FAM133B: variants seen among roughly 807,000 people sequenced by gnomAD.
The protein encoded by FAM133B is protein FAM133B.
A neutral mutation model predicts 46.4 loss-of-function variants in FAM133B; 25 were observed. The ratio of observed to expected loss-of-function variants is 0.54; its 90% CI spans 0.39 to 0.75. FAM133B has a LOEUF of 0.75. Ranked by LOEUF, FAM133B falls within the 30% of genes least tolerant of loss-of-function variation. FAM133B has a pLI of 0.00. For synonymous variants in FAM133B, 75 were observed against 86.0 expected, an observed-to-expected ratio of 0.87 and a Z score of 0.71; for missense variants, 205 against 277.6, an observed-to-expected ratio of 0.74 and a Z score of 1.86.
rs1437496130 is a variant in FAM133B at position 92,560,897 on chromosome 7, T to C, written c.*1385A>G. ...CCTTTGTAACAGGCAAAATTGTACATCAAGTTGTATGTCATGTTACCTGAT... is the reference window on the plus strand; with the variant it reads ...CCTTTGTAACAGGCAAAATTGTACACCAAGTTGTATGTCATGTTACCTGAT... On this transcript the variant is annotated 3_prime_UTR_variant, in exon 11 of 11. Coordinates refer to ENST00000445716, the MANE Select transcript of FAM133B (RefSeq NM_152789.4). 2 of 152,564 alleles carry C rather than the reference T, an allele frequency of 1.3e-5. No homozygotes were observed. Among genetic ancestry groups the C allele is most frequent in the African/African-American group, 4.8e-5 (2 of 41,442 alleles). 9.5% of individuals were successfully genotyped at this position (152,564 alleles called of 1,614,324 possible). A position where few individuals can be genotyped will look rare whatever the true frequency, so the allele number is the denominator to read the frequency against.
intron 3 of FAM133B, 102 bp from the exon 4 acceptor site, chr7:92,578,495 C>G: frequency 1.0e-6 from 1 of 989,758 alleles, no homozygotes; most frequent in Non-Finnish European, 1.5e-6. Context: ...CTCTTAATAC[C>G]TCTCACCCAT....
At chr7:92,575,472 CAAAAGA>C (rs777701081) in intron 8 of FAM133B, among the ~76,000 whole-genome samples, 2 of 151,978 alleles carry the variant, frequency 1.3e-5, no homozygotes, top group Admixed American at 6.6e-5. Flanking sequence ...GACTCCATCT[CAAAAGA>C]AAAAGAAAAA....
chr7:92,577,032 GA>G, intron 7 of FAM133B, 70 bp downstream of exon 7: 1 of 896,510 alleles, frequency 1.1e-6, no homozygotes, highest in South Asian at 2.6e-5. Context: ...TTTAAATTGA[GA>G]GCAACTTTAG....
chr7:92,568,449 C>G (rs1794431047), intron 9 of FAM133B, among the ~76,000 whole-genome samples: 1 of 152,102 alleles, frequency 6.6e-6, no homozygotes, highest in Admixed American at 6.5e-5. Flanking sequence ...CCTCCGCCTC[C>G]CGGGTTCAAG....
chr7:92,572,588 G>A (rs184150725), intron 8 of FAM133B, among the ~76,000 whole-genome samples: 102 of 152,196 alleles, frequency 6.7e-4, no homozygotes, highest in African/African-American at 2.3e-3. Flanking sequence ...GCGTGGTGGC[G>A]CATGCCTGTA....
intron 1 of FAM133B, among the ~76,000 whole-genome samples, chr7:92,585,003 A>C (rs1795000208): frequency 1.3e-5 from 2 of 152,134 alleles, no homozygotes; most frequent in Non-Finnish European, 2.9e-5. Flanking sequence ...ACAAAACAAA[A>C]CAAAACAAAA....
chr7:92,569,187 T>C (rs1320677469), intron 9 of FAM133B, among the ~76,000 whole-genome samples: 1 of 152,224 alleles, frequency 6.6e-6, no homozygotes, highest in Non-Finnish European at 1.5e-5. Context: ...GGGTTAAGTA[T>C]GTTGATCGCT....
At chr7:92,583,936 C>T (rs1794962836) in intron 1 of FAM133B, among the ~76,000 whole-genome samples, 1 of 150,406 alleles carries the variant, frequency 6.6e-6, no homozygotes. Context: ...ATAATCTCAG[C>T]CTACTCAGGA....
intron 1 of FAM133B, among the ~76,000 whole-genome samples, chr7:92,582,236 G>A (rs554670041): frequency 2.9e-5 from 4 of 140,238 alleles, no homozygotes; most frequent in Admixed American, 1.4e-4. Context: ...GCGACAGAGC[G>A]ACTCCCTCTC....
chr7:92,578,524 T>C, intron 3 of FAM133B, 131 bp from the exon 4 acceptor site: 1 of 800,142 alleles, frequency 1.2e-6, no homozygotes, highest in Admixed American at 2.2e-5. Flanking sequence ...CTAATTACAG[T>C]CAAAAGAAAC....
chr7:92,580,394 C>G (rs748096145), intron 2 of FAM133B, among the ~76,000 whole-genome samples: 1 of 152,174 alleles, frequency 6.6e-6, no homozygotes, highest in Non-Finnish European at 1.5e-5. Flanking sequence ...CATGCCCAGC[C>G]CTGGAATCTG....
intron 2 of FAM133B, 151 bp downstream of exon 2, chr7:92,581,355 C>T: frequency 1.6e-6 from 1 of 642,974 alleles, no homozygotes; most frequent in Non-Finnish European, 2.7e-6. Context: ...ACGTGTTTCA[C>T]ACATTCAAAA....
At position 92,566,501 on chromosome 7, in the gene FAM133B, G is replaced by A. The variant is rs117151465; in HGVS notation, c.610-440C>T. On this transcript the variant is annotated intron_variant, in intron 9 of 10. Coordinates refer to ENST00000445716, the MANE Select transcript of FAM133B (RefSeq NM_152789.4). ...AAAAAGAAAAAGAAAAAATAGCTGG[G>A]CACAGTGGCATGTGCCTGTAGTCCC... 2.4e-3 allele frequency among the ~76,000 whole-genome samples: 369 copies of A among 152,250 alleles called. 14 individuals are homozygous for A. The East Asian group carries it at 0.068, about 28-fold the overall frequency.
chr7:92,569,957 T>C, intron 8 of FAM133B, 42 bp from the exon 9 acceptor site: 2 of 881,442 alleles, frequency 2.3e-6, no homozygotes, highest in Non-Finnish European at 3.2e-6. Context: ...AGACATACTT[T>C]GTCACACACA....
intron 10 of FAM133B, among the ~76,000 whole-genome samples, chr7:92,563,376 G>C (rs1219040522): frequency 6.6e-6 from 1 of 152,130 alleles, no homozygotes; most frequent in Non-Finnish European, 1.5e-5. Context: ...TTTGGGTATA[G>C]GTTGCTTTTT....
At chr7:92,581,624 T>C (rs6964507) in intron 1 of FAM133B, 21 bp from the exon 2 acceptor site, 58,949 of 1,587,622 alleles carry the variant, frequency 0.037, 3,430 homozygotes, top group East Asian at 0.29. Flanking sequence ...GAACAACAAT[T>C]AATCCATTAA....
At chr7:92,575,221 T>C (rs974949872) in intron 8 of FAM133B, among the ~76,000 whole-genome samples, 1 of 152,078 alleles carries the variant, frequency 6.6e-6, no homozygotes, top group Non-Finnish European at 1.5e-5. Context: ...TCAAAGGAAA[T>C]AGGCTGGGCA....
intron 2 of FAM133B, among the ~76,000 whole-genome samples, chr7:92,580,596 A>C (rs1794838806): frequency 6.6e-6 from 1 of 152,210 alleles, no homozygotes; most frequent in Admixed American, 6.5e-5. Context: ...GACTTACCCA[A>C]ACTTTGCTCC....
At chr7:92,579,238 C>G in intron 3 of FAM133B, 79 bp downstream of exon 3, 2 of 1,313,842 alleles carry the variant, frequency 1.5e-6, no homozygotes, top group Non-Finnish European at 2.1e-6. Context: ...TTCGGCCTCC[C>G]AAAGTGCTGG....
Sources: gnomAD v4.1 joint callset for allele counts (sites outside exome capture counted in the v4.1 genomes callset) on GRCh38, gnomAD v4.1.1 for gene constraint, MANE v1.5 for transcripts, NCBI Gene and HGNC (gene_info 2026-07-23, HGNC 2026-07-21) for gene names.